ABI3BP: variants seen among roughly 807,000 people sequenced by gnomAD.
ABI3BP encodes the protein ABI family member 3 binding protein, also known as target of Nesh-SH3.
A neutral mutation model predicts 268.6 loss-of-function variants in ABI3BP; 216 were observed. The ratio of observed to expected loss-of-function variants is 0.80; its 90% CI spans 0.72 to 0.90. The LOEUF is 0.90. Ranked by LOEUF, ABI3BP falls within the 40% of genes least tolerant of loss-of-function variation. The probability of loss-of-function intolerance (pLI) is 0.00; values close to 1 mark genes in which losing one functional copy is unlikely to be tolerated. For missense variants in ABI3BP, 2,090 were observed against 2,182.4 expected, an observed-to-expected ratio of 0.96 and a Z score of 0.84; for synonymous variants, 730 against 730.0, an observed-to-expected ratio of 1.00 and a Z score of 0.00.
chr3:100,829,526 T>G (rs1275714447), intron 33 of ABI3BP, 55 bp downstream of exon 33: 45 of 1,443,420 alleles, frequency 3.1e-5, no homozygotes, highest in Non-Finnish European at 3.9e-5. Context: ...TCATTCTCTT[T>G]GGGTCCCACT....
intron 30 of ABI3BP, 111 bp from the exon 31 acceptor site, chr3:100,832,461 C>A: frequency 9.5e-7 from 1 of 1,049,852 alleles, no homozygotes; most frequent in Non-Finnish European, 1.3e-6. Context: ...GTTGACAGAA[C>A]TTTGTCATTT....
chr3:100,987,301 A>G (rs1385168428), intron 1 of ABI3BP, among the ~76,000 whole-genome samples: 6 of 152,150 alleles, frequency 3.9e-5, no homozygotes. Context: ...TTAGCCTATA[A>G]CATTTTAACT....
At chr3:100,801,814 A>G (rs2097544709) in intron 51 of ABI3BP, among the ~76,000 whole-genome samples, 6 of 152,232 alleles carry the variant, frequency 3.9e-5, no homozygotes, top group Admixed American at 3.9e-4. Flanking sequence ...TGATAACAGT[A>G]TGATCTTAAG....
At chr3:100,755,592 A>C (rs999855369) in intron 63 of ABI3BP, among the ~76,000 whole-genome samples, 7 of 152,252 alleles carry the variant, frequency 4.6e-5, no homozygotes, top group African/African-American at 1.7e-4. Flanking sequence ...TGGAATTATA[A>C]GTTCCGTTGA....
intron 13 of ABI3BP, 126 bp downstream of exon 13, chr3:100,862,712 C>A: frequency 1.5e-6 from 1 of 667,846 alleles, no homozygotes; most frequent in South Asian, 2.4e-5. Context: ...AAAATCAAAT[C>A]AACCATTTGT....
intron 33 of ABI3BP, among the ~76,000 whole-genome samples, chr3:100,828,883 C>A (rs1404229510): frequency 6.6e-6 from 1 of 152,102 alleles, no homozygotes; most frequent in Non-Finnish European, 1.5e-5. Context: ...CCAGAGAAAG[C>A]CTGACTGCAC....
At chr3:100,816,792 C>A in intron 42 of ABI3BP, 24 bp from the exon 43 acceptor site, 2 of 1,530,920 alleles carry the variant, frequency 1.3e-6, no homozygotes, top group Non-Finnish European at 1.8e-6. Context: ...CTTTGGATTA[C>A]TCTAGTGCAG....
At chr3:100,842,832 A>C (rs1400523857) in intron 20 of ABI3BP, among the ~76,000 whole-genome samples, 2 of 152,242 alleles carry the variant, frequency 1.3e-5, no homozygotes, top group Non-Finnish European at 2.9e-5. Context: ...GTTTAAGGAG[A>C]AAATTAAAAA....
At position 100,783,049 on chromosome 3, in the gene ABI3BP, A is replaced by G. The variant is rs540441833; in HGVS notation, c.4163-2840T>C. ...ATTTATCATCCAAAATGAAGTAACA[A>G]TTTGGGTATTTTTAACCATGGTAAC... On this transcript the variant is annotated intron_variant, in intron 57 of 67. Transcript: ENST00000471714. Among the ~76,000 whole-genome samples the G allele has an allele frequency of 1.4e-4, 21 of 152,324 alleles. No individual in the cohort carries two copies. In the South Asian group the frequency reaches 4.3e-3, roughly 32 times the overall value.
In ABI3BP at chr3:100,929,225, G is replaced by A. The variant is rs549864413; in HGVS notation, c.80-2744C>T. Among the ~76,000 whole-genome samples, 36 of 152,094 alleles carry A rather than the reference G, an allele frequency of 2.4e-4. No individual in the cohort carries two copies. The South Asian group carries it at 5.8e-3, about 25-fold the overall frequency. ...CCAACAGTCACAGCATCATCATCAC[G>A]TTAGACTTTTGCTCATGGACTCTGG... is the stretch of plus-strand genomic sequence containing the variant. On this transcript the variant is annotated intron_variant, in intron 1 of 67. Coordinates refer to ENST00000471714, the MANE Select transcript of ABI3BP (RefSeq NM_001375547.2).
intron 47 of ABI3BP, 90 bp from the exon 48 acceptor site, chr3:100,811,367 C>T: frequency 2.0e-6 from 2 of 1,003,924 alleles, no homozygotes; most frequent in Non-Finnish European, 2.9e-6. Context: ...TAATAATTTG[C>T]ATCATAATTT....
At chr3:100,911,772 A>G (rs2056594235) in intron 2 of ABI3BP, 4 of 1,101,024 alleles carry the variant, frequency 3.6e-6, no homozygotes, top group East Asian at 2.4e-5. Context: ...GCTTTCTGTT[A>G]TTATACTTGG....
intron 63 of ABI3BP, among the ~76,000 whole-genome samples, chr3:100,758,555 A>G (rs1004713066): frequency 6.6e-6 from 1 of 152,200 alleles, no homozygotes; most frequent in Admixed American, 6.5e-5. Context: ...AGAAGGGTAT[A>G]GCCCACGGGT....
chr3:100,836,618 G>A (rs1482649708), intron 27 of ABI3BP, among the ~76,000 whole-genome samples: 1 of 152,158 alleles, frequency 6.6e-6, no homozygotes, highest in Non-Finnish European at 1.5e-5. Context: ...TCCTTATTTT[G>A]TTGGGAATTT....
chr3:100,918,494 CA>C (rs1443667410), intron 2 of ABI3BP, among the ~76,000 whole-genome samples: 2 of 152,110 alleles, frequency 1.3e-5, no homozygotes, highest in East Asian at 3.9e-4. Context: ...AAAATAAAAA[CA>C]AATAGCAATT....
intron 2 of ABI3BP, among the ~76,000 whole-genome samples, chr3:100,918,437 T>G (rs1302482131): frequency 6.6e-6 from 1 of 152,016 alleles, no homozygotes; most frequent in Non-Finnish European, 1.5e-5. Flanking sequence ...CCTTAGCTGC[T>G]GGGAGTTTTC....
chr3:100,795,306 C>G lies in ABI3BP; in HGVS notation c.3866-303G>C, dbSNP rs545956462. On this transcript the variant is annotated intron_variant, in intron 53 of 67. Coordinates refer to ENST00000471714, the MANE Select transcript of ABI3BP (RefSeq NM_001375547.2). ...TTGGCTGTAGCTCTGTCCCTCTCTCCCCCGTTCAAGAGAGCATGCATGATT... is the reference window on the plus strand; with the variant it reads ...TTGGCTGTAGCTCTGTCCCTCTCTCGCCCGTTCAAGAGAGCATGCATGATT... Among the ~76,000 whole-genome samples the G allele has an allele frequency of 7.9e-5, 12 of 152,092 alleles. No individual in the cohort carries two copies. In the South Asian group the frequency reaches 1.2e-3, roughly 16 times the overall value.
chr3:100,755,741 C>T (rs4317136), intron 63 of ABI3BP, among the ~76,000 whole-genome samples: 6,165 of 152,218 alleles, frequency 0.041, 372 homozygotes, highest in African/African-American at 0.13. Flanking sequence ...TAAGATTTCC[C>T]TTCAGCAGCA....
intron 53 of ABI3BP, among the ~76,000 whole-genome samples, chr3:100,795,287 G>A (rs2097311823): frequency 6.6e-6 from 1 of 151,976 alleles, no homozygotes; most frequent in Non-Finnish European, 1.5e-5. Flanking sequence ...ACTATTGGCT[G>A]TAGCTCTGTC....
Sources: gnomAD v4.1 joint callset for allele counts (sites outside exome capture counted in the v4.1 genomes callset) on GRCh38, gnomAD v4.1.1 for gene constraint, MANE v1.5 for transcripts, NCBI Gene and HGNC (gene_info 2026-07-23, HGNC 2026-07-21) for gene names.